Variants in HECTD4 observed in about 807,000 individuals in gnomAD.
HECTD4 encodes the protein probable E3 ubiquitin-protein ligase HECTD4.
A neutral mutation model predicts 471.5 loss-of-function variants in HECTD4; 114 were observed. That is an observed-to-expected ratio of 0.24 (90% CI 0.21 to 0.28). HECTD4 has a LOEUF of 0.28. Ranked by LOEUF, HECTD4 falls within the 10% of genes least tolerant of loss-of-function variation. HECTD4 has a pLI of 1.00. For synonymous variants in HECTD4, 2,012 were observed against 2,256.0 expected, an observed-to-expected ratio of 0.89 and a Z score of 3.07; for missense variants, 3,866 against 5,651.5, an observed-to-expected ratio of 0.68 and a Z score of 10.13.
At chr12:112,266,448 A>G (rs958213115) in intron 14 of HECTD4, among the ~76,000 whole-genome samples, 1 of 152,202 alleles carries the variant, frequency 6.6e-6, no homozygotes, top group African/African-American at 2.4e-5. Context: ...TTTGCTTTCA[A>G]TCTGGTTGAA....
At chr12:112,291,995 T>G (rs964486527) in intron 7 of HECTD4, among the ~76,000 whole-genome samples, 3 of 152,222 alleles carry the variant, frequency 2.0e-5, no homozygotes, top group African/African-American at 7.2e-5. Context: ...CTGGCTTTAT[T>G]CTTTACCCCA....
Position 112,193,177 on chromosome 12 carries a change from C to G in HECTD4, c.8970G>C (p.Gln2990His). Residue 2990 changes from glutamine to histidine, a missense_variant, in exon 58 of 76, where the codon CAG becomes CAC. Transcript: ENST00000682272. This position sits in a 1 kb window ranked among gnomAD's most constrained non-coding sequence, Gnocchi z 5.2. ...ICSFLQTAPEQFPSEEFPISE... is the reference protein window; with the variant it reads ...ICSFLQTAPEHFPSEEFPISE... ...AAATTGGGAACTCTTCGGAGGGGAA[C>G]TGCTCTGGTGCTGTCTGCAAAGAGA... The G allele has an allele frequency of 6.2e-7, 1 of 1,613,914 alleles. No homozygotes were observed. The highest frequency in any genetic ancestry group is 8.5e-7 in the Non-Finnish European group (1 of 1,179,874).
At chr12:112,368,099 A>G (rs985130753) in intron 1 of HECTD4, among the ~76,000 whole-genome samples, 1 of 152,222 alleles carries the variant, frequency 6.6e-6, no homozygotes, top group Admixed American at 6.6e-5. Flanking sequence ...TGCATAAAAT[A>G]CTTTGCAAAT....
chr12:112,233,839 T>C (rs1243302466), intron 37 of HECTD4, among the ~76,000 whole-genome samples: 2 of 140,092 alleles, frequency 1.4e-5, no homozygotes, highest in African/African-American at 5.6e-5. Flanking sequence ...CTGGCCTATT[T>C]TGTTTGTTTT....
Position 112,276,487 on chromosome 12 carries a change from C to T in HECTD4, c.1688-1527G>A, listed in dbSNP as rs556715699. ...ATTTAGAGACAGAATCTCGCTCTGT[C>T]GCCAGGCTGGAGTGCAGTGGCGCGA... is the stretch of plus-strand genomic sequence containing the variant. On this transcript the variant is annotated intron_variant, in intron 9 of 75. Transcript: ENST00000682272. Among the ~76,000 whole-genome samples, 8 of 152,270 alleles carry T rather than the reference C, an allele frequency of 5.3e-5. No individual in the cohort carries two copies. The East Asian group carries it at 1.5e-3, about 29-fold the overall frequency.
chr12:112,299,183 C>T (rs1228511706), intron 7 of HECTD4, among the ~76,000 whole-genome samples: 4 of 152,162 alleles, frequency 2.6e-5, no homozygotes, highest in African/African-American at 9.7e-5. Flanking sequence ...ACCTAGCCTC[C>T]TATTTTTTCT....
intron 7 of HECTD4, among the ~76,000 whole-genome samples, chr12:112,299,003 A>G (rs1011031807): frequency 6.6e-6 from 1 of 152,120 alleles, no homozygotes; most frequent in African/African-American, 2.4e-5. Context: ...CCAGATATCT[A>G]TGTTTAGCTT....
chr12:112,276,029 ATGGATCCT>A (rs1442578378), intron 9 of HECTD4, among the ~76,000 whole-genome samples: 1 of 152,090 alleles, frequency 6.6e-6, no homozygotes, highest in Non-Finnish European at 1.5e-5. Flanking sequence ...TCTGCTCCAC[ATGGATCCT>A]TCCAGCAGGG....
intron 23 of HECTD4, among the ~76,000 whole-genome samples, chr12:112,251,574 G>GT (rs1401669345): frequency 1.8e-4 from 28 of 152,204 alleles, no homozygotes; most frequent in Admixed American, 1.8e-3. Context: ...GCCAGCCATT[G>GT]TTCTAGGTGC....
chr12:112,213,954 C>T lies in HECTD4; in HGVS notation c.7466-1304G>A, dbSNP rs1463918398. 6.6e-5 allele frequency among the ~76,000 whole-genome samples: 10 copies of T among 151,150 alleles called. No homozygotes were observed. The highest frequency in any genetic ancestry group is 1.5e-5 in the Non-Finnish European group (1 of 67,858). On this transcript the variant is annotated intron_variant, in intron 48 of 75. Transcript: ENST00000682272. This position sits in a 1 kb window ranked among gnomAD's most constrained non-coding sequence, Gnocchi z 4.0. ...GGAGGGTCACTTGAGCTCAGGGGGT[C>T]AAGCCTGCAGTGAGCTGTGATTGCA...
Position 112,237,093 on chromosome 12 carries a change from A to T in HECTD4, c.5296T>A (p.Ser1766Thr), listed in dbSNP as rs1251942475. The change falls in exon 35 of 76, where the codon TCC becomes ACC. Residue 1766 changes from serine (S) to threonine (T), a missense_variant. Ser to Thr is a moderately conservative substitution (Grantham distance 58, BLOSUM62 1). Transcript: ENST00000682272. ...CVEWEKEEGG[S>T]TEAVHSGLAR... ...AGACCTGAGTGCACAGCCTCTGTGG[A>T]GCCACCTTCACAGTTAAAGAAAGAA... 6.4e-6 allele frequency: 10 copies of T among 1,574,696 alleles called. No homozygotes were observed. The highest frequency in any genetic ancestry group is 8.6e-6 in the Non-Finnish European group (10 of 1,160,310).
intron 34 of HECTD4, among the ~76,000 whole-genome samples, 152 bp downstream of exon 34, chr12:112,238,898 GAA>G (rs1373668898): frequency 6.6e-6 from 1 of 152,108 alleles, no homozygotes; most frequent in Non-Finnish European, 1.5e-5. Context: ...CCACACTGAG[GAA>G]AAGTCTCTCA....
At chr12:112,176,008 G>C in intron 65 of HECTD4, 149 bp from the exon 66 acceptor site, 1 of 1,112,174 alleles carries the variant, frequency 9.0e-7, no homozygotes, top group Non-Finnish European at 1.3e-6. Flanking sequence ...ATTGTCATTT[G>C]CCATTGTGAC....
In HECTD4 at chr12:112,162,207, A is replaced by G; in HGVS notation, c.*180T>C. ...CAGCAAAAGAACCAACCCATCACGA[A>G]ACGTACAAAGACAAAAGGTTAAGTC... On this transcript the variant is annotated 3_prime_UTR_variant, in exon 76 of 76. Transcript: ENST00000682272. The surrounding 1 kb of genome is among the most constrained non-coding windows in gnomAD (Gnocchi z 5.2). 1 of 626,452 alleles carries G rather than the reference A, an allele frequency of 1.6e-6. No homozygotes were observed. The highest frequency in any genetic ancestry group is 2.7e-6 in the Non-Finnish European group (1 of 363,896). The allele number at this position is 626,452 out of a possible 1,614,324, so 38.8% of individuals were successfully genotyped here. A position where few individuals can be genotyped will look rare whatever the true frequency, so the allele number is the denominator to read the frequency against.
chr12:112,163,184 G>C lies in HECTD4; in HGVS notation c.12978C>G (p.Thr4326=), dbSNP rs528812083. 5.3e-5 allele frequency: 86 copies of C among 1,613,948 alleles called. No individual in the cohort carries two copies. The South Asian group carries it at 6.8e-4, about 13-fold the overall frequency. The change falls in exon 75 of 76, where the codon ACC becomes ACG. Residue 4326 remains threonine, a synonymous_variant. Coordinates refer to ENST00000682272, the MANE Select transcript of HECTD4 (RefSeq NM_001388303.1). The surrounding 1 kb of genome is among the most constrained non-coding windows in gnomAD (Gnocchi z 8.2). ...EFFWGALEMF[T]QEELCKFIKF... is the part of the protein sequence containing the mutation. Reference sequence around the variant, plus strand: ...TGATGAACTTGCACAGCTCCTCCTGGGTGAACATCTCCAGGGCCCCCCAGA... The same window carrying C: ...TGATGAACTTGCACAGCTCCTCCTGCGTGAACATCTCCAGGGCCCCCCAGA...
intron 66 of HECTD4, 31 bp from the exon 67 acceptor site, chr12:112,172,892 A>G (rs1412392884): frequency 6.3e-7 from 1 of 1,596,266 alleles, no homozygotes; most frequent in African/African-American, 1.3e-5. Context: ...AGAGGGGCAA[A>G]GTGAGGCAGG....
At chr12:112,363,729 C>A (rs1258819425) in intron 1 of HECTD4, among the ~76,000 whole-genome samples, 1 of 151,994 alleles carries the variant, frequency 6.6e-6, no homozygotes, top group African/African-American at 2.4e-5. Context: ...GTAATCCCAG[C>A]ACTTTGGGAG....
chr12:112,184,196 T>C lies in HECTD4; in HGVS notation c.10770A>G (p.Ala3590=). ...PLAARPIKGF[A]VVEIRSRAKI... Reference sequence around the variant, plus strand: ...GCTTGAAAGCTGTTACCTCCACGACTGCGAAGCCTTTGATGGGGCGGGCGG... The same window carrying C: ...GCTTGAAAGCTGTTACCTCCACGACCGCGAAGCCTTTGATGGGGCGGGCGG... Residue 3590 remains alanine, a synonymous_variant, in exon 61 of 76, where the codon GCA becomes GCG. Coordinates refer to ENST00000682272, the MANE Select transcript of HECTD4 (RefSeq NM_001388303.1). The surrounding 1 kb of genome is among the most constrained non-coding windows in gnomAD (Gnocchi z 9.1). 1 of 1,609,198 alleles carries C rather than the reference T, an allele frequency of 6.2e-7. No homozygotes were observed. The highest frequency in any genetic ancestry group is 2.2e-5 in the East Asian group (1 of 44,808).
chr12:112,213,697 TAC>T lies in HECTD4; in HGVS notation c.7466-1049_7466-1048del, dbSNP rs1246075198. On this transcript the variant is annotated intron_variant, in intron 48 of 75. Transcript: ENST00000682272. The surrounding 1 kb of genome is among the most constrained non-coding windows in gnomAD (Gnocchi z 4.0). ...CAAGACTCCGTCTCAAAAAAATATA[TAC>T]ATATATATATATATATATATAATAT... Among the ~76,000 whole-genome samples, 22 of 124,866 alleles carry T rather than the reference TAC, an allele frequency of 1.8e-4. No homozygotes were observed. The highest frequency in any genetic ancestry group is 6.7e-4 in the Admixed American group (8 of 12,010). The allele number at this position is 124,866 out of a possible 152,430, so 81.9% of individuals were successfully genotyped here.
Sources: gnomAD v4.1 joint callset for allele counts (sites outside exome capture counted in the v4.1 genomes callset) on GRCh38, gnomAD v4.1.1 for gene constraint, Gnocchi (gnomAD v3.1) non-coding constraint, MANE v1.5 for transcripts, NCBI Gene and HGNC (gene_info 2026-07-23, HGNC 2026-07-21) for gene names.